Variants in AGAP1 observed in about 807,000 individuals in gnomAD.
AGAP1 encodes the protein arf-GAP with GTPase, ANK repeat and PH domain-containing protein 1.
In AGAP1, 29 loss-of-function variants were observed where a neutral mutation model predicts 105.3. The observed-to-expected ratio is 0.28, with a 90% CI of 0.21 to 0.38. The LOEUF (loss-of-function observed/expected upper bound fraction) is 0.38. Among genes scored for constraint, AGAP1 ranks in the 10% least tolerant of loss-of-function variants. The pLI is 1.00. For missense variants in AGAP1, 998 were observed against 1,165.1 expected, an observed-to-expected ratio of 0.86 and a Z score of 2.09; for synonymous variants, 509 against 485.9, an observed-to-expected ratio of 1.05 and a Z score of -0.63.
At chr2:235,603,755 A>G (rs112290870) in intron 1 of AGAP1, among the ~76,000 whole-genome samples, 1,702 of 152,178 alleles carry the variant, frequency 0.011, 33 homozygotes, top group African/African-American at 0.04. Flanking sequence ...TGTGTGAAGT[A>G]TTTTCTCCTC....
chr2:235,675,890 A>C (rs985860913), intron 1 of AGAP1, among the ~76,000 whole-genome samples: 3 of 152,202 alleles, frequency 2.0e-5, no homozygotes, highest in Non-Finnish European at 4.4e-5. Context: ...ATATCCTGCC[A>C]CCAGGGGGAA....
In AGAP1 at chr2:235,723,808, C is replaced by T. The variant is rs1411112025; in HGVS notation, c.310+6164C>T. ...TTGGTTGGTTGGTTGGTTGGTCGAT[C>T]GACAGAGACTTAAGAATGTTCATAG... On this transcript the variant is annotated intron_variant, in intron 3 of 17. Transcript: ENST00000304032. The surrounding 1 kb of genome is among the most constrained non-coding windows in gnomAD (Gnocchi z 6.2). 7.7e-6 allele frequency among the ~76,000 whole-genome samples: 1 copy of T among 129,756 alleles called. No individual in the cohort carries two copies. Among genetic ancestry groups the T allele is most frequent in the African/African-American group, 2.8e-5 (1 of 35,316 alleles). The allele number at this position is 129,756 out of a possible 152,430, so 85.1% of individuals were successfully genotyped here. A position where few individuals can be genotyped will look rare whatever the true frequency, so the allele number is the denominator to read the frequency against.
chr2:235,954,315 G>A (rs1448362231), intron 12 of AGAP1, among the ~76,000 whole-genome samples: 1 of 151,822 alleles, frequency 6.6e-6, no homozygotes, highest in East Asian at 1.9e-4. Context: ...GCACACTAAG[G>A]GCCATGAAAG....
At chr2:235,562,298 A>T (rs1049264275) in intron 1 of AGAP1, among the ~76,000 whole-genome samples, 2 of 152,084 alleles carry the variant, frequency 1.3e-5, no homozygotes, top group African/African-American at 2.4e-5. Flanking sequence ...ATAGCACGTG[A>T]TTATACTTTT....
rs773181323 is a variant in AGAP1 at position 235,793,948 on chromosome 2, C to CT, written c.674-3802dup. ...TCACTTTTTTTGTTAAGTTCTTAAACTTTTTTTTTATTATTGAAGAATGGA... is the reference window on the plus strand; with the variant it reads ...TCACTTTTTTTGTTAAGTTCTTAAACTTTTTTTTTTATTATTGAAGAATGGA... On this transcript the variant is annotated intron_variant, in intron 6 of 17. Coordinates refer to ENST00000304032, the MANE Select transcript of AGAP1 (RefSeq NM_001037131.3). This position sits in a 1 kb window ranked among gnomAD's most constrained non-coding sequence, Gnocchi z 5.3. Among the ~76,000 whole-genome samples, 15 of 151,596 alleles carry CT rather than the reference C, an allele frequency of 9.9e-5. No individual in the cohort carries two copies. The highest frequency in any genetic ancestry group is 3.4e-3 in the Middle Eastern group (1 of 290).
At chr2:235,943,833 C>T (rs764000338) in intron 12 of AGAP1, among the ~76,000 whole-genome samples, 41 of 152,204 alleles carry the variant, frequency 2.7e-4, no homozygotes, top group Non-Finnish European at 5.0e-4. Context: ...TCCAGCTTCT[C>T]CGTTAGGATT....
chr2:235,821,806 T>C (rs559165235), intron 9 of AGAP1, among the ~76,000 whole-genome samples: 1 of 152,342 alleles, frequency 6.6e-6, no homozygotes, highest in Non-Finnish European at 1.5e-5. Context: ...ATTGCTTTAT[T>C]TATTTTGCCA....
chr2:235,918,243 T>TG (rs1398778365), intron 11 of AGAP1, among the ~76,000 whole-genome samples: 1 of 152,232 alleles, frequency 6.6e-6, no homozygotes, highest in East Asian at 1.9e-4. Context: ...TCTAGCACCT[T>TG]GGTAGACCAT....
intron 1 of AGAP1, among the ~76,000 whole-genome samples, chr2:235,605,599 C>G (rs1945904113): frequency 6.6e-6 from 1 of 152,198 alleles, no homozygotes; most frequent in East Asian, 1.9e-4. Context: ...TCAAGACACC[C>G]TAAGGGAGAC....
intron 1 of AGAP1, among the ~76,000 whole-genome samples, chr2:235,514,494 G>A (rs1942298115): frequency 6.6e-6 from 1 of 152,216 alleles, no homozygotes; most frequent in Non-Finnish European, 1.5e-5. Context: ...GGAGGATACC[G>A]TCAGCCAGGC....
chr2:235,988,648 C>T lies in AGAP1; in HGVS notation c.1645+20025C>T, dbSNP rs1318784085. On this transcript the variant is annotated intron_variant, in intron 13 of 17. Coordinates refer to ENST00000304032, the MANE Select transcript of AGAP1 (RefSeq NM_001037131.3). The surrounding 1 kb of genome is among the most constrained non-coding windows in gnomAD (Gnocchi z 4.7). Reference sequence around the variant, plus strand: ...ACACTTGCATTTTTCCTGTAACTTTCCAGTAATGAGGGGGCCCAGTGGGTA... The same window carrying T: ...ACACTTGCATTTTTCCTGTAACTTTTCAGTAATGAGGGGGCCCAGTGGGTA... Among the ~76,000 whole-genome samples, 1 of 152,066 alleles carries T rather than the reference C, an allele frequency of 6.6e-6. No individual in the cohort carries two copies. Among genetic ancestry groups the T allele is most frequent in the East Asian group, 1.9e-4 (1 of 5,174 alleles).
intron 1 of AGAP1, among the ~76,000 whole-genome samples, chr2:235,542,302 G>A (rs1394175993): frequency 6.6e-6 from 1 of 152,330 alleles, no homozygotes; most frequent in South Asian, 2.1e-4. Context: ...AAGGGCCAGG[G>A]CCAGGGACTT....
chr2:235,817,029 T>C (rs1958499020), intron 9 of AGAP1, among the ~76,000 whole-genome samples: 1 of 152,186 alleles, frequency 6.6e-6, no homozygotes, highest in South Asian at 2.1e-4. Context: ...GACTGTGGAA[T>C]AGGACTTCTC....
Position 235,788,662 on chromosome 2 carries a change from A to G in AGAP1, c.674-9097A>G, listed in dbSNP as rs1209416541. ...TGACTGGTGGGCGTCCTGTTGGTGC[A>G]TGGGGCAGACTGAAGCCTGAGACAT... On this transcript the variant is annotated intron_variant, in intron 6 of 17. Coordinates refer to ENST00000304032, the MANE Select transcript of AGAP1 (RefSeq NM_001037131.3). This position sits in a 1 kb window ranked among gnomAD's most constrained non-coding sequence, Gnocchi z 6.0. 6.6e-6 allele frequency among the ~76,000 whole-genome samples: 1 copy of G among 152,064 alleles called. No homozygotes were observed. The highest frequency in any genetic ancestry group is 2.4e-5 in the African/African-American group (1 of 41,404).
At chr2:235,854,910 G>T (rs990923252) in intron 9 of AGAP1, among the ~76,000 whole-genome samples, 8 of 150,620 alleles carry the variant, frequency 5.3e-5, no homozygotes, top group African/African-American at 2.0e-4. Flanking sequence ...GATCGTTTCT[G>T]CTGCAGGAGC....
chr2:235,940,262 C>G (rs7598579), intron 12 of AGAP1, among the ~76,000 whole-genome samples: 74,965 of 151,832 alleles, frequency 0.49, 18,825 homozygotes, highest in South Asian at 0.63. Context: ...CTGCGTCGGT[C>G]CTAACTCATC....
At chr2:235,619,596 T>G (rs1030486715) in intron 1 of AGAP1, among the ~76,000 whole-genome samples, 2 of 151,990 alleles carry the variant, frequency 1.3e-5, no homozygotes, top group Non-Finnish European at 2.9e-5. Flanking sequence ...GGATCTAGAG[T>G]GCAGTCTCTG....
intron 13 of AGAP1, among the ~76,000 whole-genome samples, chr2:236,029,904 A>C (rs557006575): frequency 1.3e-5 from 2 of 150,990 alleles, no homozygotes; most frequent in South Asian, 4.2e-4. Flanking sequence ...ATGCCTGGCT[A>C]ATTTTCAAAT....
chr2:236,110,814 T>A lies in AGAP1; in HGVS notation c.2115-9378T>A, dbSNP rs190722307. Among the ~76,000 whole-genome samples the A allele has an allele frequency of 2.0e-5, 3 of 151,676 alleles. No individual in the cohort carries two copies. In the East Asian group the frequency reaches 5.8e-4, roughly 29 times the overall value. On this transcript the variant is annotated intron_variant, in intron 16 of 17. Transcript: ENST00000304032. ...TATTATTGTCTTAGTCCTCTGGGGC[T>A]GCTATAACAAAATACCTTAAATGGG...
Sources: allele counts gnomAD v4.1 joint callset (sites outside exome capture counted in the v4.1 genomes callset), GRCh38; gene constraint gnomAD v4.1.1; non-coding constraint Gnocchi (gnomAD v3.1); transcripts MANE v1.5; gene names NCBI Gene and HGNC (gene_info 2026-07-23, HGNC 2026-07-21).